The following DTNA variants were observed in gnomAD, a reference collection of about 807,000 sequenced individuals.
The protein encoded by DTNA is dystrobrevin alpha, also known as dystrophin-related protein 3.
DTNA carries 43 observed loss-of-function variants against 100.7 expected under a neutral mutation model. That is an observed-to-expected ratio of 0.43 (90% confidence interval 0.33 to 0.55). The LOEUF is 0.55. DTNA is among the 20% of genes least tolerant of loss of function. The pLI is 0.04. For synonymous variants in DTNA, 349 were observed against 347.9 expected (o/e 1.00, Z -0.04); for missense variants, 798 against 953.9 (o/e 0.84, Z 2.15).
chr18:34,756,582 G>T (rs187183835), intron 2 of DTNA, among the ~76,000 whole-genome samples: 261 of 152,182 alleles, frequency 1.7e-3, no homozygotes, highest in African/African-American at 5.8e-3. Flanking sequence ...CTGCAAACTG[G>T]TTTTTTTAAA....
chr18:34,578,293 A>T (rs1438181531), intron 1 of DTNA, among the ~76,000 whole-genome samples: 1 of 151,906 alleles, frequency 6.6e-6, no homozygotes, highest in African/African-American at 2.4e-5. Context: ...TTGTCTATTC[A>T]TGTCCTTAGC....
At chr18:34,812,722 G>A (rs2095510459) in intron 6 of DTNA, among the ~76,000 whole-genome samples, 1 of 152,032 alleles carries the variant, frequency 6.6e-6, no homozygotes, top group South Asian at 2.1e-4. Context: ...GGATTGGGTG[G>A]GGACACAAAG....
At chr18:34,828,990 C>G in intron 10 of DTNA, 1 of 1,599,610 alleles carries the variant, frequency 6.3e-7, no homozygotes, top group Non-Finnish European at 8.6e-7. Flanking sequence ...CTGCAAATAT[C>G]AAGCAGAGGT....
chr18:34,863,262 G>A (rs7233779), intron 16 of DTNA, among the ~76,000 whole-genome samples: 15,228 of 152,206 alleles, frequency 0.1, 1,021 homozygotes, highest in Non-Finnish European at 0.13. Context: ...AAATGATCGA[G>A]TATAGATTGT....
At chr18:34,609,849 A>G (rs149363293) in intron 1 of DTNA, among the ~76,000 whole-genome samples, 3 of 152,270 alleles carry the variant, frequency 2.0e-5, no homozygotes, top group African/African-American at 4.8e-5. Context: ...GAAATATGCC[A>G]TTTTGAAAAT....
chr18:34,665,345 C>A (rs1346216859), intron 1 of DTNA, among the ~76,000 whole-genome samples: 3 of 152,016 alleles, frequency 2.0e-5, no homozygotes, highest in Non-Finnish European at 2.9e-5. Context: ...CAAATAACTG[C>A]TACATTTGTA....
chr18:34,668,174 A>T (rs1487357363), intron 1 of DTNA, among the ~76,000 whole-genome samples: 1 of 152,140 alleles, frequency 6.6e-6, no homozygotes, highest in East Asian at 1.9e-4. Context: ...GTGTTGAGGA[A>T]TTTATCCATT....
At chr18:34,816,089 C>A in intron 7 of DTNA, 75 bp downstream of exon 7, 1 of 1,443,264 alleles carries the variant, frequency 6.9e-7, no homozygotes, top group Non-Finnish European at 9.7e-7. Context: ...AGTTAGTAAG[C>A]CCAGGCTGTT....
intron 18 of DTNA, 26 bp downstream of exon 18, chr18:34,875,424 G>A (rs1412014031): frequency 1.2e-6 from 2 of 1,613,946 alleles, no homozygotes; most frequent in Non-Finnish European, 1.7e-6. Context: ...TTTTGTTGTG[G>A]TCTGCTTTTA....
chr18:34,669,425 C>T (rs1599875402), intron 1 of DTNA, among the ~76,000 whole-genome samples: 1 of 152,242 alleles, frequency 6.6e-6, no homozygotes, highest in South Asian at 2.1e-4. Context: ...AGCCCATTTA[C>T]ATTTAAGGTT....
intron 9 of DTNA, among the ~76,000 whole-genome samples, chr18:34,825,995 G>A (rs2095850529): frequency 6.6e-6 from 1 of 152,064 alleles, no homozygotes; most frequent in Non-Finnish European, 1.5e-5. Flanking sequence ...TTCAACTCAA[G>A]GCAGAATTAG....
chr18:34,695,177 T>C (rs1306325846), intron 1 of DTNA, among the ~76,000 whole-genome samples: 1 of 152,190 alleles, frequency 6.6e-6, no homozygotes, highest in Non-Finnish European at 1.5e-5. Context: ...GACTTGTAAA[T>C]GCCCCCTAAA....
chr18:34,750,534 T>C (rs531537591), intron 1 of DTNA, among the ~76,000 whole-genome samples: 3 of 152,292 alleles, frequency 2.0e-5, no homozygotes, highest in African/African-American at 7.2e-5. Context: ...TACTGGTGAA[T>C]GGAATCTATA....
intron 1 of DTNA, among the ~76,000 whole-genome samples, chr18:34,577,316 T>A (rs2048201609): frequency 6.6e-6 from 1 of 152,234 alleles, no homozygotes; most frequent in South Asian, 2.1e-4. Flanking sequence ...GGTATATCTT[T>A]TACCATTTTT....
intron 1 of DTNA, among the ~76,000 whole-genome samples, chr18:34,701,298 A>G (rs572733737): frequency 3.3e-5 from 5 of 152,244 alleles, no homozygotes; most frequent in South Asian, 2.1e-4. Context: ...TGTAATCTCC[A>G]TATTCCAAAG....
intron 1 of DTNA, among the ~76,000 whole-genome samples, chr18:34,689,993 C>G (rs1391803047): frequency 6.6e-6 from 1 of 152,222 alleles, no homozygotes; most frequent in Non-Finnish European, 1.5e-5. Flanking sequence ...AAGCCCCTCC[C>G]TCCACCAAAC....
At chr18:34,685,088 G>C (rs2078692544) in intron 1 of DTNA, among the ~76,000 whole-genome samples, 1 of 152,164 alleles carries the variant, frequency 6.6e-6, no homozygotes, top group Non-Finnish European at 1.5e-5. Flanking sequence ...CTCCCATTCT[G>C]TAGGTTGCCT....
intron 14 of DTNA, among the ~76,000 whole-genome samples, chr18:34,849,789 G>A (rs1449938679): frequency 6.6e-6 from 1 of 152,194 alleles, no homozygotes. Context: ...AGCTGGAGTG[G>A]AGGCATTACT....
chr18:34,632,814 G>C (rs961742856), intron 1 of DTNA, among the ~76,000 whole-genome samples: 6 of 152,002 alleles, frequency 3.9e-5, no homozygotes, highest in Non-Finnish European at 5.9e-5. Flanking sequence ...TCAATAAAAT[G>C]AGATTTTCTT....
Sources: gnomAD v4.1 joint callset for allele counts (sites outside exome capture counted in the v4.1 genomes callset) on GRCh38, gnomAD v4.1.1 for gene constraint, MANE v1.5 for transcripts, NCBI Gene and HGNC (gene_info 2026-07-23, HGNC 2026-07-21) for gene names.